CSMD1: variants seen among roughly 807,000 people sequenced by gnomAD.
The protein encoded by CSMD1 is CUB and Sushi multiple domains 1, also known as CUB and sushi domain-containing protein 1.
A neutral mutation model predicts 417.5 loss-of-function variants in CSMD1; 213 were observed. That is an observed-to-expected ratio of 0.51 (90% CI 0.46 to 0.57). The LOEUF is 0.57. Among genes scored for constraint, CSMD1 ranks in the 20% least tolerant of loss-of-function variants. The pLI is 0.00. For missense variants in CSMD1, 6,923 were observed against 4,529.7 expected, an observed-to-expected ratio of 1.53 and a Z score of -15.17; for synonymous variants, 2,862 against 1,736.8, an observed-to-expected ratio of 1.65 and a Z score of -16.11.
intron 6 of CSMD1, among the ~76,000 whole-genome samples, chr8:3,745,466 G>C (rs1467772345): frequency 6.6e-6 from 1 of 152,200 alleles, no homozygotes; most frequent in Non-Finnish European, 1.5e-5. Context: ...GACGTAATCT[G>C]AGACAGTCTG....
intron 1 of CSMD1, among the ~76,000 whole-genome samples, chr8:4,953,546 T>C (rs1808887715): frequency 6.6e-6 from 1 of 152,188 alleles, no homozygotes; most frequent in African/African-American, 2.4e-5. Flanking sequence ...TATAAACCTT[T>C]ATCTCAATTT....
At chr8:3,112,643 G>C (rs1280055947) in intron 42 of CSMD1, among the ~76,000 whole-genome samples, 1 of 152,158 alleles carries the variant, frequency 6.6e-6, no homozygotes, top group African/African-American at 2.4e-5. Flanking sequence ...AGGGTGCCTG[G>C]GATGGAGATG....
chr8:4,663,868 C>A (rs1026944122), intron 1 of CSMD1, among the ~76,000 whole-genome samples: 4 of 152,188 alleles, frequency 2.6e-5, no homozygotes, highest in African/African-American at 9.7e-5. Context: ...AATACCTGGG[C>A]TGGATCAGGA....
intron 5 of CSMD1, among the ~76,000 whole-genome samples, chr8:3,890,610 G>T (rs1806904168): frequency 6.6e-6 from 1 of 152,012 alleles, no homozygotes; most frequent in African/African-American, 2.4e-5. Context: ...AAAGCACGTG[G>T]CATATTTTTC....
chr8:4,389,837 C>G (rs1454361153), intron 3 of CSMD1, among the ~76,000 whole-genome samples: 1 of 152,068 alleles, frequency 6.6e-6, no homozygotes. Context: ...AGCATAATGT[C>G]TACATGAATA....
intron 26 of CSMD1, among the ~76,000 whole-genome samples, chr8:3,252,649 C>T (rs189726312): frequency 6.6e-6 from 1 of 152,144 alleles, no homozygotes; most frequent in Admixed American, 6.5e-5. Flanking sequence ...GCAGTTCCTC[C>T]TTATACCTCT....
chr8:3,537,153 G>A (rs1385503434), intron 10 of CSMD1, among the ~76,000 whole-genome samples: 6 of 151,922 alleles, frequency 3.9e-5, no homozygotes, highest in East Asian at 1.9e-4. Context: ...ACAGGTGCCC[G>A]CCACCACGCC....
intron 1 of CSMD1, among the ~76,000 whole-genome samples, chr8:4,847,277 AAAG>A (rs1417855346): frequency 4.6e-5 from 7 of 152,346 alleles, no homozygotes; most frequent in East Asian, 3.9e-4. Flanking sequence ...TTAGAATCTC[AAAG>A]AAGATTTTAA....
intron 3 of CSMD1, among the ~76,000 whole-genome samples, chr8:4,121,457 T>C (rs1802483093): frequency 6.6e-6 from 1 of 152,192 alleles, no homozygotes; most frequent in African/African-American, 2.4e-5. Flanking sequence ...CAAGGGCTTC[T>C]TTGCTATACT....
At chr8:3,458,063 G>A (rs757120812) in intron 12 of CSMD1, among the ~76,000 whole-genome samples, 3 of 152,172 alleles carry the variant, frequency 2.0e-5, no homozygotes, top group Non-Finnish European at 2.9e-5. Flanking sequence ...ATACAGATTG[G>A]AGAACGTCTC....
chr8:4,258,289 G>C (rs934071082), intron 3 of CSMD1, among the ~76,000 whole-genome samples: 3 of 123,876 alleles, frequency 2.4e-5, no homozygotes, highest in Non-Finnish European at 5.0e-5. Context: ...TTATGGTAAG[G>C]AGAAAGGGAG....
In CSMD1 at chr8:3,242,679, G is replaced by C. The variant is rs1486820320; in HGVS notation, c.4154-12448C>G. 2.0e-5 allele frequency among the ~76,000 whole-genome samples: 3 copies of C among 152,142 alleles called. No homozygotes were observed. In the Middle Eastern group the frequency reaches 0.01, roughly 517 times the overall value. On this transcript the variant is annotated intron_variant, in intron 26 of 69. Transcript: ENST00000635120. Reference sequence around the variant, plus strand: ...TAAGAACACAGGCTAAGGGAGAAGAGAGGGGAATGGAGGGCGGAAGGTTGC... The same window carrying C: ...TAAGAACACAGGCTAAGGGAGAAGACAGGGGAATGGAGGGCGGAAGGTTGC...
intron 12 of CSMD1, among the ~76,000 whole-genome samples, chr8:3,454,733 C>G (rs7818982): frequency 0.78 from 118,995 of 152,144 alleles, 46,942 homozygotes; most frequent in East Asian, 0.89. Flanking sequence ...TTTCTCTCTG[C>G]CTGCCCTTTA....
At chr8:3,776,807 G>GATATATAGAGATATATATATAT (rs1371493777) in intron 5 of CSMD1, among the ~76,000 whole-genome samples, 1 of 139,938 alleles carries the variant, frequency 7.1e-6, no homozygotes, top group African/African-American at 2.9e-5. Flanking sequence ...ATATAGACGA[G>GATATATAGAGATATATATATAT]ATATATATAT....
chr8:4,116,370 C>A (rs868463014), intron 3 of CSMD1, among the ~76,000 whole-genome samples: 1 of 152,132 alleles, frequency 6.6e-6, no homozygotes, highest in Non-Finnish European at 1.5e-5. Flanking sequence ...ATACACTTGT[C>A]CAAACCCATG....
At chr8:4,056,370 A>T (rs913571590) in intron 3 of CSMD1, among the ~76,000 whole-genome samples, 1 of 149,422 alleles carries the variant, frequency 6.7e-6, no homozygotes, top group African/African-American at 2.5e-5. Context: ...GGCATGAGCC[A>T]CCATGCCCAG....
At chr8:3,226,789 C>A (rs1798530956) in intron 27 of CSMD1, among the ~76,000 whole-genome samples, 1 of 151,730 alleles carries the variant, frequency 6.6e-6, no homozygotes, top group Non-Finnish European at 1.5e-5. Flanking sequence ...TTGTCACACA[C>A]AACAGGTGAG....
intron 26 of CSMD1, among the ~76,000 whole-genome samples, chr8:3,253,482 G>A (rs1479058293): frequency 6.6e-6 from 1 of 152,136 alleles, no homozygotes; most frequent in Non-Finnish European, 1.5e-5. Context: ...GTGTGGTGTG[G>A]TGCTGAAAAG....
chr8:4,763,885 G>C (rs769581872), intron 1 of CSMD1, among the ~76,000 whole-genome samples: 2 of 152,156 alleles, frequency 1.3e-5, no homozygotes, highest in Non-Finnish European at 2.9e-5. Context: ...ACATGATTAA[G>C]CCACGACTAC....
Sources: allele counts gnomAD v4.1 joint callset (sites outside exome capture counted in the v4.1 genomes callset), GRCh38; gene constraint gnomAD v4.1.1; transcripts MANE v1.5; gene names NCBI Gene and HGNC (gene_info 2026-07-23, HGNC 2026-07-21).